The following CENPU variants were observed in gnomAD, a reference collection of about 807,000 sequenced individuals.
CENPU encodes KSHV latent nuclear antigen interacting protein 1.
In CENPU, 46 loss-of-function variants were observed where a neutral mutation model predicts 56.7. The observed-to-expected ratio is 0.81, with a 90% CI of 0.64 to 1.04. The LOEUF (loss-of-function observed/expected upper bound fraction) is 1.04. Ranked by LOEUF, CENPU falls within the 50% of genes least tolerant of loss-of-function variation. The pLI is 0.00. For missense variants in CENPU, 510 were observed against 490.1 expected (o/e 1.04, Z -0.38); for synonymous variants, 166 against 163.0 (o/e 1.02, Z -0.14).
intron 1 of CENPU, among the ~76,000 whole-genome samples, chr4:184,732,040 AG>A (rs1234489647): frequency 6.6e-6 from 1 of 152,170 alleles, no homozygotes; most frequent in Non-Finnish European, 1.5e-5. Flanking sequence ...TCTAATCTAC[AG>A]TCCATACCCA....
At chr4:184,719,171 G>C (rs1761191978) in intron 4 of CENPU, among the ~76,000 whole-genome samples, 1 of 152,156 alleles carries the variant, frequency 6.6e-6, no homozygotes. Context: ...TACACAAAGG[G>C]AACACCTTCA....
At chr4:184,697,619 G>A (rs1760383684) in intron 12 of CENPU, 28 bp downstream of exon 12, 1 of 1,607,818 alleles carries the variant, frequency 6.2e-7, no homozygotes, top group African/African-American at 1.3e-5. Flanking sequence ...ATCTTCTGAA[G>A]CATGGTAAAA....
intron 8 of CENPU, among the ~76,000 whole-genome samples, chr4:184,703,898 C>T (rs73018990): frequency 0.043 from 6,540 of 152,232 alleles, 461 homozygotes; most frequent in African/African-American, 0.15. Context: ...TTTCTAATCA[C>T]CTAGTGACAC....
At position 184,729,159 on chromosome 4, in the gene CENPU, T is replaced by G. The variant is rs918613739; in HGVS notation, c.97-124A>C. Reference sequence around the variant, plus strand: ...GAAGCAATCCTTATGCATGGGGTGATGGATTCACTACCTACCCTGATTGGG... The same window carrying G: ...GAAGCAATCCTTATGCATGGGGTGAGGGATTCACTACCTACCCTGATTGGG... On this transcript the variant is annotated intron_variant, in intron 2 of 12. Transcript: ENST00000281453. The G allele has an allele frequency of 1.1e-5, 8 of 712,964 alleles. No individual in the cohort carries two copies. In the African/African-American group the frequency reaches 1.2e-4, roughly 11 times the overall value. 44.2% of individuals were successfully genotyped at this position (712,964 alleles called of 1,614,324 possible). A position where few individuals can be genotyped will look rare whatever the true frequency, so the allele number is the denominator to read the frequency against.
chr4:184,706,297 A>G (rs1042436551), intron 8 of CENPU, among the ~76,000 whole-genome samples: 17 of 152,188 alleles, frequency 1.1e-4, no homozygotes, highest in African/African-American at 4.1e-4. Flanking sequence ...TAAACCCAGG[A>G]GTTGGAGACC....
Position 184,694,498 on chromosome 4 carries a change from T to C in CENPU, c.*790A>G, listed in dbSNP as rs1260835771. On this transcript the variant is annotated 3_prime_UTR_variant, in exon 13 of 13. Coordinates refer to ENST00000281453, the MANE Select transcript of CENPU (RefSeq NM_024629.4). ...GTAAATATTTTCCTATCCCACTCTC[T>C]ATCCCTTCACCACTGAAATAAAGGA... The C allele has an allele frequency of 6.2e-7, 1 of 1,604,870 alleles. No homozygotes were observed. Among genetic ancestry groups the C allele is most frequent in the East Asian group, 2.2e-5 (1 of 44,634 alleles).
chr4:184,697,582 C>G (rs1327975056), intron 12 of CENPU, 65 bp downstream of exon 12: 2 of 1,464,962 alleles, frequency 1.4e-6, no homozygotes, highest in Non-Finnish European at 1.9e-6. Flanking sequence ...TTCTGATACT[C>G]TAGCATGAAA....
intron 11 of CENPU, among the ~76,000 whole-genome samples, chr4:184,698,597 C>T (rs1223963139): frequency 1.3e-5 from 2 of 152,194 alleles, no homozygotes; most frequent in African/African-American, 4.8e-5. Flanking sequence ...ATTACAGGTG[C>T]CCACACCACG....
chr4:184,724,878 T>G, intron 4 of CENPU, 79 bp downstream of exon 4: 1 of 924,892 alleles, frequency 1.1e-6, no homozygotes. Flanking sequence ...ATGCTTTTGT[T>G]TTATTAGCTT....
Position 184,711,962 on chromosome 4 carries a change from A to T in CENPU, c.688+982T>A, listed in dbSNP as rs1320988600. 2.6e-5 allele frequency among the ~76,000 whole-genome samples: 4 copies of T among 152,036 alleles called. No homozygotes were observed. The East Asian group carries it at 5.8e-4, about 22-fold the overall frequency. ...ATGGTAAAACCCCGTCTCTACTAAA[A>T]TACAAAAAATTAGCCGGGCATGGTG... is the stretch of plus-strand genomic sequence containing the variant. On this transcript the variant is annotated intron_variant, in intron 7 of 12. Coordinates refer to ENST00000281453, the MANE Select transcript of CENPU (RefSeq NM_024629.4).
intron 11 of CENPU, chr4:184,699,743 C>T (rs1056541398): frequency 1.0e-5 from 6 of 577,350 alleles, no homozygotes; most frequent in African/African-American, 9.9e-5. Flanking sequence ...TCCCTGCAAC[C>T]TCCGCCTCCC....
intron 4 of CENPU, among the ~76,000 whole-genome samples, chr4:184,722,597 A>G (rs1367500682): frequency 1.3e-5 from 2 of 152,030 alleles, no homozygotes; most frequent in African/African-American, 2.4e-5. Flanking sequence ...AGTGATAAAT[A>G]TATCGCTGCA....
In CENPU at chr4:184,695,436, A is replaced by T. The variant is rs144047521; in HGVS notation, c.1144-35T>A. 8.4e-3 allele frequency: 12,257 copies of T among 1,467,256 alleles called. 81 individuals are homozygous for T. Among genetic ancestry groups the T allele is most frequent in the Non-Finnish European group, 0.01 (10,568 of 1,049,540 alleles). 90.9% of individuals were successfully genotyped at this position (1,467,256 alleles called of 1,614,324 possible). A position where few individuals can be genotyped will look rare whatever the true frequency, so the allele number is the denominator to read the frequency against. ...GAAAATTATATAATTAGCAATATCA[A>T]AAACTCATAACCTTGTCCTTAGATA... On this transcript the variant is annotated intron_variant, in intron 12 of 12. Coordinates refer to ENST00000281453, the MANE Select transcript of CENPU (RefSeq NM_024629.4).
rs149669773 is a variant in CENPU, at chr4:184,695,319, T to C, written c.1226A>G (p.His409Arg). 40 of 1,613,312 alleles carry C rather than the reference T, an allele frequency of 2.5e-5. No homozygotes were observed. Among genetic ancestry groups the C allele is most frequent in the Middle Eastern group, 3.3e-4 (2 of 6,066 alleles). The change falls in exon 13 of 13, where the codon CAT becomes CGT. Residue 409 changes from histidine (H) to arginine (R), a missense_variant. Transcript: ENST00000281453. The stretch of plus-strand genomic sequence containing the variant: ...CTGGTCAAGGAGCTTCTCTAACTGA[T>C]GGTTGATATTTCGCAGATGGCTTTC... Reference protein sequence around the residue: ...GAESHLRNINHQLEKLLDQG With the variant: ...GAESHLRNINRQLEKLLDQG
Position 184,694,958 on chromosome 4 carries a change from G to A in CENPU, c.*330C>T. On this transcript the variant is annotated 3_prime_UTR_variant, in exon 13 of 13. Transcript: ENST00000281453. The stretch of plus-strand genomic sequence containing the variant: ...AAAATTAGCTTTGGTGTAAATTCAG[G>A]AGAAATCGCCTTATTAATTAATCAA... 1.7e-6 allele frequency: 1 copy of A among 580,472 alleles called. No individual in the cohort carries two copies. Among genetic ancestry groups the A allele is most frequent in the Non-Finnish European group, 3.0e-6 (1 of 336,350 alleles). The allele number at this position is 580,472 out of a possible 1,614,324, so 36.0% of individuals were successfully genotyped here.
At chr4:184,699,741 A>G in intron 11 of CENPU, 1 of 586,486 alleles carries the variant, frequency 1.7e-6, no homozygotes, top group Non-Finnish European at 2.7e-6. Flanking sequence ...GCTCCCTGCA[A>G]CCTCCGCCTC....
intron 3 of CENPU, among the ~76,000 whole-genome samples, chr4:184,728,712 C>A (rs3796689): frequency 0.36 from 54,110 of 151,982 alleles, 10,166 homozygotes; most frequent in East Asian, 0.71. Context: ...TACTACTAGA[C>A]GAGTGCCGCT....
intron 7 of CENPU, among the ~76,000 whole-genome samples, chr4:184,711,976 C>A (rs1760940112): frequency 6.6e-6 from 1 of 151,878 alleles, no homozygotes; most frequent in Non-Finnish European, 1.5e-5. Context: ...AAAAAATTAG[C>A]CGGGCATGGT....
rs551479867 is a variant in CENPU at position 184,700,821 on chromosome 4, G to C, written c.985C>G (p.Arg329Gly). ...AAACAGGATTTGACAGTATCTTACC[G>C]AAGCAGTTCATCCTGGACTTCAATC... ...RMIEVQDELL[R>G]LEPQLKQLQT... The change falls in exon 11 of 13, where the codon CGG becomes GGG. Residue 329 changes from arginine to glycine, a missense_variant and splice_region_variant. Arg to Gly is a moderately radical substitution (Grantham distance 125, BLOSUM62 -2). Transcript: ENST00000281453. The C allele has an allele frequency of 6.2e-7, 1 of 1,613,050 alleles. No individual in the cohort carries two copies. The highest frequency in any genetic ancestry group is 2.2e-5 in the East Asian group (1 of 44,878).
Sources: allele counts gnomAD v4.1 joint callset (sites outside exome capture counted in the v4.1 genomes callset), GRCh38; gene constraint gnomAD v4.1.1; transcripts MANE v1.5; gene names NCBI Gene and HGNC (gene_info 2026-07-23, HGNC 2026-07-21).